ZIC5: variants seen among roughly 807,000 people sequenced by gnomAD.
ZIC5 encodes zinc finger protein ZIC 5.
ZIC5 carries 20 observed loss-of-function variants against 28.5 expected under a neutral mutation model. That is an observed-to-expected ratio of 0.70 (90% CI 0.49 to 1.02). The LOEUF is 1.02. ZIC5 is among the 50% of genes least tolerant of loss of function. The pLI is 0.00. For synonymous variants in ZIC5, 488 were observed against 410.4 expected, an observed-to-expected ratio of 1.19 and a Z score of -2.29; for missense variants, 951 against 899.7, an observed-to-expected ratio of 1.06 and a Z score of -0.73.
At chr13:99,969,066 C>A (rs187807358) in intron 1 of ZIC5, among the ~76,000 whole-genome samples, 2 of 152,238 alleles carry the variant, frequency 1.3e-5, no homozygotes, top group South Asian at 2.1e-4. Context: ...CTATAAATCC[C>A]GACTGCGTTC....
chr13:99,966,570 C>T (rs1434334850), intron 1 of ZIC5, among the ~76,000 whole-genome samples: 2 of 152,186 alleles, frequency 1.3e-5, no homozygotes, highest in African/African-American at 2.4e-5. Context: ...AAGAGCACAG[C>T]AGATCGAGCT....
rs2053079289 is a variant in ZIC5 at position 99,964,224 on chromosome 13, T to A, written c.*1153A>T. Reference sequence around the variant, plus strand: ...GATTCCAGTTTGGTGTGCTCAGTGCTCAGGTGGAAGAAAATGCATTAAAAT... The same window carrying A: ...GATTCCAGTTTGGTGTGCTCAGTGCACAGGTGGAAGAAAATGCATTAAAAT... On this transcript the variant is annotated 3_prime_UTR_variant, in exon 2 of 2. Coordinates refer to ENST00000267294, the MANE Select transcript of ZIC5 (RefSeq NM_033132.5). The A allele has an allele frequency of 1.3e-5, 2 of 152,232 alleles. No homozygotes were observed. The highest frequency in any genetic ancestry group is 4.1e-4 in the South Asian group (2 of 4,836). The allele number at this position is 152,232 out of a possible 1,614,324, so 9.4% of individuals were successfully genotyped here.
rs543888256 is a variant in ZIC5 at position 99,964,678 on chromosome 13, A to G, written c.*699T>C. 18 of 152,768 alleles carry G rather than the reference A, an allele frequency of 1.2e-4. No homozygotes were observed. Among genetic ancestry groups the G allele is most frequent in the Admixed American group, 9.8e-4 (15 of 15,296 alleles). 9.5% of individuals were successfully genotyped at this position (152,768 alleles called of 1,614,324 possible). ...TTTTTTTAAAATCACACAGTAGGAT[A>G]CTGAAGAAATAATCCTGTATAAAAA... On this transcript the variant is annotated 3_prime_UTR_variant, in exon 2 of 2. Coordinates refer to ENST00000267294, the MANE Select transcript of ZIC5 (RefSeq NM_033132.5).
Position 99,971,730 on chromosome 13 carries a change from T to C in ZIC5, c.-127A>G. On this transcript the variant is annotated 5_prime_UTR_variant, in exon 1 of 2. Coordinates refer to ENST00000267294, the MANE Select transcript of ZIC5 (RefSeq NM_033132.5). ...TGTCCTGGCCTCTTAACTCTGCTTA[T>C]TCCTGTTCCCACTCTATCCTCCAGC... 1 of 1,545,870 alleles carries C rather than the reference T, an allele frequency of 6.5e-7. No homozygotes were observed. Among genetic ancestry groups the C allele is most frequent in the African/African-American group, 1.4e-5 (1 of 72,894 alleles).
At position 99,971,374 on chromosome 13, in the gene ZIC5, G is replaced by C. The variant is rs1356191706; in HGVS notation, c.230C>G (p.Thr77Arg). ...CTGGGAGGGAGGGCTGAGGCCCAGCGTGCTCGCCTGGGCCATGTGCTCGGG... is the reference window on the plus strand; with the variant it reads ...CTGGGAGGGAGGGCTGAGGCCCAGCCTGCTCGCCTGGGCCATGTGCTCGGG... ...LGPEHMAQAS[T>R]LGLSPPSQAF... Residue 77 changes from threonine to arginine, a missense_variant, in exon 1 of 2, where the codon ACG (threonine) becomes AGG (arginine). Physicochemically the swap from Thr to Arg is moderately conservative, Grantham distance 71. Transcript: ENST00000267294. 10 of 1,477,024 alleles carry C rather than the reference G, an allele frequency of 6.8e-6. No homozygotes were observed. The highest frequency in any genetic ancestry group is 2.7e-6 in the Non-Finnish European group (3 of 1,124,678). 91.5% of individuals were successfully genotyped at this position (1,477,024 alleles called of 1,614,324 possible). A position where few individuals can be genotyped will look rare whatever the true frequency, so the allele number is the denominator to read the frequency against.
rs909841403 is a variant in ZIC5 at position 99,963,177 on chromosome 13, C to T, written c.*2200G>A. The T allele has an allele frequency of 2.0e-5, 3 of 152,386 alleles. No individual in the cohort carries two copies. The highest frequency in any genetic ancestry group is 2.9e-5 in the Non-Finnish European group (2 of 67,974). The allele number at this position is 152,386 out of a possible 1,614,324, so 9.4% of individuals were successfully genotyped here. Reference sequence around the variant, plus strand: ...TATGCATGGTAAAATACATAAAATACATATTCCTTTGTTTCATAATAAATA... The same window carrying T: ...TATGCATGGTAAAATACATAAAATATATATTCCTTTGTTTCATAATAAATA... On this transcript the variant is annotated 3_prime_UTR_variant, in exon 2 of 2. Coordinates refer to ENST00000267294, the MANE Select transcript of ZIC5 (RefSeq NM_033132.5).
rs1047560714 is a variant in ZIC5 at position 99,963,839 on chromosome 13, A to G, written c.*1538T>C. On this transcript the variant is annotated 3_prime_UTR_variant, in exon 2 of 2. Coordinates refer to ENST00000267294, the MANE Select transcript of ZIC5 (RefSeq NM_033132.5). ...AGTGTTCACATACAAGTTATTAACA[A>G]TGACAAGACTACATCAACCACTCAC... The G allele has an allele frequency of 6.6e-6, 1 of 152,278 alleles. No homozygotes were observed. The highest frequency in any genetic ancestry group is 2.4e-5 in the African/African-American group (1 of 41,452). The allele number at this position is 152,278 out of a possible 1,614,324, so 9.4% of individuals were successfully genotyped here. A position where few individuals can be genotyped will look rare whatever the true frequency, so the allele number is the denominator to read the frequency against.
chr13:99,970,895 G>A lies in ZIC5; in HGVS notation c.709C>T (p.Pro237Ser). 3.7e-6 allele frequency: 5 copies of A among 1,338,040 alleles called. No homozygotes were observed. Among genetic ancestry groups the A allele is most frequent in the Non-Finnish European group, 4.7e-6 (5 of 1,054,946 alleles). 82.9% of individuals were successfully genotyped at this position (1,338,040 alleles called of 1,614,324 possible). A position where few individuals can be genotyped will look rare whatever the true frequency, so the allele number is the denominator to read the frequency against. ...GCCCCCGGCGTGTCGTGCAGCGCGG[G>A]GAAGAGCGCCGGGCCGCCGCTGCCG... The part of the protein sequence containing the change: ...PDGSGGPALF[P>S]ALHDTPGAPG... Residue 237 changes from proline (P) to serine (S), a missense_variant, in exon 1 of 2, where the codon CCC becomes TCC. Coordinates refer to ENST00000267294, the MANE Select transcript of ZIC5 (RefSeq NM_033132.5).
chr13:99,963,002 C>T lies in ZIC5; in HGVS notation c.*2375G>A, dbSNP rs1024226692. ...TGTTCTATTTGTATGAGAGATATGC[C>T]ATTATGTAAAACATAAGCAATAATA... is the stretch of plus-strand genomic sequence containing the variant. On this transcript the variant is annotated 3_prime_UTR_variant, in exon 2 of 2. Coordinates refer to ENST00000267294, the MANE Select transcript of ZIC5 (RefSeq NM_033132.5). 1.3e-5 allele frequency: 2 copies of T among 152,128 alleles called. No homozygotes were observed. Among genetic ancestry groups the T allele is most frequent in the African/African-American group, 2.4e-5 (1 of 41,420 alleles). 9.4% of individuals were successfully genotyped at this position (152,128 alleles called of 1,614,324 possible).
chr13:99,968,682 T>C (rs1484979846), intron 1 of ZIC5, among the ~76,000 whole-genome samples: 1 of 152,188 alleles, frequency 6.6e-6, no homozygotes, highest in African/African-American at 2.4e-5. Context: ...CCCTGGATCC[T>C]GCCCTGCCGA....
At position 99,971,264 on chromosome 13, in the gene ZIC5, AG is replaced by A. The variant is rs1278074103; in HGVS notation, c.339del (p.Cys114AlafsTer193). On this transcript the variant is annotated frameshift_variant, in exon 1 of 2. Coordinates refer to ENST00000267294, the MANE Select transcript of ZIC5 (RefSeq NM_033132.5). LOFTEE classifies it high-confidence loss of function. ...LVAHPGAGSY[P>X]CGGGSSGAQP... ...TGCGCGCCACTGCTGCCCCCGCCGC[AG>A]GGGTAGCTGCCCGCGCCGGGGTGCG... is the stretch of plus-strand genomic sequence containing the variant. 16 of 1,329,284 alleles carry A rather than the reference AG, an allele frequency of 1.2e-5. No homozygotes were observed. The allele number at this position is 1,329,284 out of a possible 1,614,324, so 82.3% of individuals were successfully genotyped here.
At position 99,965,655 on chromosome 13, in the gene ZIC5, T is replaced by C; in HGVS notation, c.1642A>G (p.Met548Val). Residue 548 changes from methionine (M) to valine (V), a missense_variant, in exon 2 of 2, where the codon ATG (methionine) becomes GTG (valine). Physicochemically the swap from Met to Val is conservative, Grantham distance 21. Transcript: ENST00000267294. ...GGCGGGGACTTGCAGTGAATCTTCA[T>C]GTGCTTCCTCAGGGAGCTTGGGTGA... ...YTHPSSLRKH[M>V]KIHCKSPPPS... The C allele has an allele frequency of 2.5e-6, 4 of 1,614,228 alleles. No individual in the cohort carries two copies. Among genetic ancestry groups the C allele is most frequent in the Non-Finnish European group, 3.4e-6 (4 of 1,180,044 alleles).
In ZIC5 at chr13:99,970,769, G is replaced by A; in HGVS notation, c.835C>T (p.Pro279Ser). ...AAELYGRAEPPFAPRSGDAHY... is the reference protein window; with the variant it reads ...AAELYGRAEPSFAPRSGDAHY... Reference sequence around the variant, plus strand: ...GCGTCCCCAGAGCGCGGCGCGAAGGGCGGTTCGGCGCGGCCGTACAGCTCA... The same window carrying A: ...GCGTCCCCAGAGCGCGGCGCGAAGGACGGTTCGGCGCGGCCGTACAGCTCA... The change falls in exon 1 of 2, where the codon CCC becomes TCC. Residue 279 changes from proline to serine, a missense_variant. Transcript: ENST00000267294. The A allele has an allele frequency of 8.5e-7, 1 of 1,178,330 alleles. No individual in the cohort carries two copies. The allele number at this position is 1,178,330 out of a possible 1,614,324, so 73.0% of individuals were successfully genotyped here.
In ZIC5 at chr13:99,965,839, A is replaced by C; in HGVS notation, c.1478-20T>G. ...TTTCCCCTGCAAGGAAACACAGGAA[A>C]GGTCAACAATGGCTTTCCAAGACCC... On this transcript the variant is annotated intron_variant, in intron 1 of 1. Transcript: ENST00000267294. 1 of 1,598,046 alleles carries C rather than the reference A, an allele frequency of 6.3e-7. No individual in the cohort carries two copies. The highest frequency in any genetic ancestry group is 1.1e-5 in the South Asian group (1 of 88,154).
intron 1 of ZIC5, among the ~76,000 whole-genome samples, chr13:99,968,402 C>T (rs1396597893): frequency 6.6e-6 from 1 of 152,104 alleles, no homozygotes; most frequent in Admixed American, 6.5e-5. Context: ...CCCAAATGAC[C>T]GCGGGTCCCC....
At chr13:99,966,819 A>T (rs2053103921) in intron 1 of ZIC5, among the ~76,000 whole-genome samples, 1 of 152,216 alleles carries the variant, frequency 6.6e-6, no homozygotes, top group Non-Finnish European at 1.5e-5. Flanking sequence ...TAAGACAACT[A>T]GAGAAATTCA....
rs1415699413 is a variant in ZIC5, at chr13:99,965,010, T to C, written c.*367A>G. ...TCTCCCCCTTTTAAAAAAAATAATA[T>C]ATATATATATGTATATATATATATA... On this transcript the variant is annotated 3_prime_UTR_variant, in exon 2 of 2. Transcript: ENST00000267294. 2 of 128,886 alleles carry C rather than the reference T, an allele frequency of 1.6e-5. No individual in the cohort carries two copies. Among genetic ancestry groups the C allele is most frequent in the Non-Finnish European group, 3.2e-5 (2 of 63,048 alleles). 8.0% of individuals were successfully genotyped at this position (128,886 alleles called of 1,614,324 possible). A position where few individuals can be genotyped will look rare whatever the true frequency, so the allele number is the denominator to read the frequency against.
At chr13:99,967,053 C>G (rs781576736) in intron 1 of ZIC5, among the ~76,000 whole-genome samples, 1 of 152,190 alleles carries the variant, frequency 6.6e-6, no homozygotes, top group Non-Finnish European at 1.5e-5. Context: ...TCTGGTGATA[C>G]ACTAGGTATG....
chr13:99,966,142 C>A (rs1307285219), intron 1 of ZIC5, among the ~76,000 whole-genome samples: 1 of 152,136 alleles, frequency 6.6e-6, no homozygotes, highest in East Asian at 1.9e-4. Flanking sequence ...AGACCCCCTC[C>A]CCCGACAGAC....
Sources: allele counts gnomAD v4.1 joint callset (sites outside exome capture counted in the v4.1 genomes callset), GRCh38; gene constraint gnomAD v4.1.1; transcripts MANE v1.5; gene names NCBI Gene and HGNC (gene_info 2026-07-23, HGNC 2026-07-21).